Variants in SLC12A7 observed in about 807,000 individuals in gnomAD.
SLC12A7 encodes K-Cl cotransporter 4.
In SLC12A7, 100 loss-of-function variants were observed where a neutral mutation model predicts 120.6. The ratio of observed to expected loss-of-function variants is 0.83; its 90% CI spans 0.71 to 0.98. The LOEUF is 0.98. Ranked by LOEUF, SLC12A7 falls within the 50% of genes least tolerant of loss-of-function variation. The pLI, the probability that SLC12A7 is intolerant of heterozygous loss-of-function variation, is 0.00. For missense variants in SLC12A7, 1,373 were observed against 1,548.1 expected, an observed-to-expected ratio of 0.89 and a Z score of 1.90; for synonymous variants, 760 against 678.0, an observed-to-expected ratio of 1.12 and a Z score of -1.88.
chr5:1,064,772 A>AAGGGGACGGTG (rs1449829518), intron 18 of SLC12A7, among the ~76,000 whole-genome samples: 1 of 78,852 alleles, frequency 1.3e-5, no homozygotes, highest in Non-Finnish European at 2.5e-5. Flanking sequence ...AAGGGACAGC[A>AAGGGGACGGTG]AGGGGACGGT....
chr5:1,116,990 G>A (rs186825991), upstream of SLC12A7, among the ~76,000 whole-genome samples: 60 of 152,274 alleles, frequency 3.9e-4, no homozygotes, highest in East Asian at 0.011. Flanking sequence ...TCTCTCAGAC[G>A]TCATAAAGAG....
chr5:1,100,271 G>T (rs139542604), intron 1 of SLC12A7, among the ~76,000 whole-genome samples: 247 of 152,302 alleles, frequency 1.6e-3, no homozygotes, highest in African/African-American at 5.6e-3. Context: ...AGGCTTGTAC[G>T]GTGCTCCATT....
chr5:1,084,000 T>C (rs1382649881), intron 7 of SLC12A7, 44 bp from the exon 8 acceptor site: 4 of 1,551,750 alleles, frequency 2.6e-6, no homozygotes, highest in Non-Finnish European at 3.5e-6. Flanking sequence ...GCCACCGAAG[T>C]GGCTTTTACT....
At chr5:1,098,102 C>T (rs1205697980) in intron 1 of SLC12A7, among the ~76,000 whole-genome samples, 1 of 148,458 alleles carries the variant, frequency 6.7e-6, no homozygotes, top group Non-Finnish European at 1.5e-5. Flanking sequence ...CAACCCTCTG[C>T]ACACCCAGCC....
chr5:1,089,222 C>T (rs1006578655), intron 3 of SLC12A7, 94 bp from the exon 4 acceptor site: 118 of 1,435,006 alleles, frequency 8.2e-5, no homozygotes, highest in Non-Finnish European at 9.7e-5. Context: ...GCAGGCAAAG[C>T]GGCCGTGGGG....
intron 16 of SLC12A7, among the ~76,000 whole-genome samples, chr5:1,074,043 C>T (rs1332550212): frequency 1.3e-5 from 2 of 152,080 alleles, no homozygotes; most frequent in African/African-American, 2.4e-5. Flanking sequence ...ACAGGCAGGG[C>T]CGATGGACAG....
the SLC12A7 span, among the ~76,000 whole-genome samples, chr5:1,141,024 C>T: frequency 2.6e-5 from 4 of 152,184 alleles, no homozygotes; most frequent in Non-Finnish European, 4.4e-5. Flanking sequence ...ACGCTCGGGC[C>T]GCTGTGGAAA....
chr5:1,079,105 C>T (rs550034215), intron 10 of SLC12A7, among the ~76,000 whole-genome samples: 16 of 152,224 alleles, frequency 1.1e-4, no homozygotes, highest in East Asian at 3.9e-4. Context: ...CCAGAGGCCC[C>T]GCGGGCCCAG....
chr5:1,146,632 C>T, the SLC12A7 span, among the ~76,000 whole-genome samples: 4 of 152,222 alleles, frequency 2.6e-5, no homozygotes, highest in South Asian at 4.1e-4. The surrounding 1 kb of genome is among the most constrained non-coding windows in gnomAD (Gnocchi z 6.5). Flanking sequence ...TAGGAAAAGC[C>T]GACCAGCAGT....
At chr5:1,154,632 C>T in the SLC12A7 span, among the ~76,000 whole-genome samples, 6 of 152,324 alleles carry the variant, frequency 3.9e-5, no homozygotes, top group Middle Eastern at 3.4e-3. Context: ...CTGAGATGCT[C>T]GCTCCTCTGG....
chr5:1,099,152 G>A (rs369870361), intron 1 of SLC12A7, among the ~76,000 whole-genome samples: 2 of 152,278 alleles, frequency 1.3e-5, no homozygotes, highest in African/African-American at 2.4e-5. Context: ...AGGGTGAAGC[G>A]GGGGCGAGGG....
chr5:1,125,645 C>T, the SLC12A7 span, among the ~76,000 whole-genome samples: 1 of 152,120 alleles, frequency 6.6e-6, no homozygotes, highest in Non-Finnish European at 1.5e-5. Context: ...TCTACCTGGG[C>T]CGGGCACAGT....
the SLC12A7 span, among the ~76,000 whole-genome samples, chr5:1,118,001 G>A: frequency 4.8e-3 from 730 of 152,268 alleles, 3 homozygotes; most frequent in Middle Eastern, 0.01. Context: ...GCGTGAACCC[G>A]GGAGGCGGAG....
At chr5:1,085,806 A>G (rs1739803806) in intron 6 of SLC12A7, among the ~76,000 whole-genome samples, 1 of 152,226 alleles carries the variant, frequency 6.6e-6, no homozygotes, top group Non-Finnish European at 1.5e-5. Flanking sequence ...AAGCAACTTC[A>G]GGACCCGGGG....
chr5:1,060,499 G>T, intron 20 of SLC12A7, 48 bp from the exon 21 acceptor site: 1 of 1,425,178 alleles, frequency 7.0e-7, no homozygotes. Flanking sequence ...ACAGAACCAC[G>T]GATGGCTCCA....
chr5:1,077,341 C>T (rs1457897838), intron 12 of SLC12A7, among the ~76,000 whole-genome samples: 2 of 152,220 alleles, frequency 1.3e-5, no homozygotes, highest in Admixed American at 6.5e-5. Context: ...CCACAGCTGC[C>T]CCTGGGCCCA....
Position 1,064,157 on chromosome 5 carries a change from G to T in SLC12A7, c.2533C>A (p.His845Asn). The T allele has an allele frequency of 6.2e-7, 1 of 1,612,188 alleles. No homozygotes were observed. The highest frequency in any genetic ancestry group is 8.5e-7 in the Non-Finnish European group (1 of 1,179,622). The change falls in exon 19 of 24, where the codon CAC becomes AAC. Residue 845 changes from histidine (H) to asparagine (N), a missense_variant. His to Asn is a moderately conservative substitution (Grantham distance 68, BLOSUM62 1). Transcript: ENST00000264930. ...TGCACGATCCACCACACGTCGATGT[G>T]GCCCCCGCCGAAGCGCTCCTGGTTT... Reference protein sequence around the residue: ...PQNQERFGGGHIDVWWIVHDG... With the variant: ...PQNQERFGGGNIDVWWIVHDG...
At chr5:1,122,576 C>T in the SLC12A7 span, among the ~76,000 whole-genome samples, 1 of 152,230 alleles carries the variant, frequency 6.6e-6, no homozygotes, top group Non-Finnish European at 1.5e-5. Context: ...CCACCTTCAC[C>T]ACCGGTCTCC....
At chr5:1,062,293 A>G (rs1736376255) in intron 20 of SLC12A7, among the ~76,000 whole-genome samples, 1 of 152,186 alleles carries the variant, frequency 6.6e-6, no homozygotes, top group Non-Finnish European at 1.5e-5. Context: ...TATTTTACTA[A>G]GCGGTTTTAT....
Sources: allele counts gnomAD v4.1 joint callset (sites outside exome capture counted in the v4.1 genomes callset), GRCh38; gene constraint gnomAD v4.1.1; non-coding constraint Gnocchi (gnomAD v3.1); transcripts MANE v1.5; gene names NCBI Gene and HGNC (gene_info 2026-07-23, HGNC 2026-07-21).